The following SNX10 variants were observed in gnomAD, a reference collection of about 807,000 sequenced individuals.
SNX10 encodes sorting nexin-10.
SNX10 carries 25 observed loss-of-function variants against 28.5 expected under a neutral mutation model. The ratio of observed to expected loss-of-function variants is 0.88; its 90% CI spans 0.64 to 1.22. SNX10 has a LOEUF of 1.22. Among genes scored for constraint, SNX10 ranks in the 50% most tolerant of loss-of-function variants. SNX10 has a pLI of 0.00. For synonymous variants in SNX10, 62 were observed against 81.4 expected (o/e 0.76, Z 1.28); for missense variants, 223 against 242.6 (o/e 0.92, Z 0.54).
intron 1 of SNX10, among the ~76,000 whole-genome samples, chr7:26,315,741 G>A (rs946281290): frequency 1.4e-4 from 22 of 151,972 alleles, no homozygotes; most frequent in Middle Eastern, 3.4e-3. Flanking sequence ...ACAAAATGAA[G>A]TGAATTTATA....
chr7:26,310,087 CAG>C (rs1410341567), intron 1 of SNX10, among the ~76,000 whole-genome samples: 8 of 152,200 alleles, frequency 5.3e-5, no homozygotes, highest in Non-Finnish European at 1.5e-5. Context: ...AGATAGAAAA[CAG>C]AGGCCACTTC....
At chr7:26,321,719 T>TTAA (rs1787316734) in intron 1 of SNX10, among the ~76,000 whole-genome samples, 1 of 152,040 alleles carries the variant, frequency 6.6e-6, no homozygotes, top group Non-Finnish European at 1.5e-5. Context: ...CCCTCCTTAC[T>TTAA]TCATTATCTT....
At position 26,318,630 on chromosome 7, in the gene SNX10, C is replaced by A. The variant is rs922466077; in HGVS notation, c.-24+26544C>A. ...TTATAGGTGCCTGCCGAAAAAAATG[C>A]TTCGCTAATTTTTGTGTTTATTGTA... On this transcript the variant is annotated intron_variant, in intron 1 of 6. Coordinates refer to ENST00000338523, the MANE Select transcript of SNX10 (RefSeq NM_013322.3). 2.0e-5 allele frequency among the ~76,000 whole-genome samples: 3 copies of A among 152,080 alleles called. No individual in the cohort carries two copies. In the South Asian group the frequency reaches 6.2e-4, roughly 32 times the overall value.
Position 26,374,303 on chromosome 7 carries a change from TTTAC to T in SNX10, c.*1732_*1735del, listed in dbSNP as rs1269040184. The T allele has an allele frequency of 2.0e-5, 3 of 152,094 alleles. No homozygotes were observed. The East Asian group carries it at 5.8e-4, about 29-fold the overall frequency. The allele number at this position is 152,094 out of a possible 1,614,324, so 9.4% of individuals were successfully genotyped here. A position where few individuals can be genotyped will look rare whatever the true frequency, so the allele number is the denominator to read the frequency against. ...AGTATGTAAATGTCACGAGATCATT[TTTAC>T]ATTAAACGTGAAAAAAAATCAACTT... On this transcript the variant is annotated 3_prime_UTR_variant, in exon 7 of 7. Coordinates refer to ENST00000338523, the MANE Select transcript of SNX10 (RefSeq NM_013322.3).
chr7:26,358,016 G>T (rs1473842307), intron 2 of SNX10, among the ~76,000 whole-genome samples: 1 of 152,170 alleles, frequency 6.6e-6, no homozygotes, highest in Non-Finnish European at 1.5e-5. Flanking sequence ...AGTGTGCAAA[G>T]AACAACAGCC....
intron 1 of SNX10, among the ~76,000 whole-genome samples, chr7:26,331,339 T>A (rs1686865247): frequency 6.6e-6 from 1 of 152,144 alleles, no homozygotes; most frequent in South Asian, 2.1e-4. Context: ...TAATCCCAGC[T>A]CTTCGCAAGG....
intron 1 of SNX10, among the ~76,000 whole-genome samples, chr7:26,326,418 G>T (rs1787506185): frequency 6.6e-6 from 1 of 152,150 alleles, no homozygotes; most frequent in Non-Finnish European, 1.5e-5. Context: ...TCCGAGTCCA[G>T]TGAATCACTT....
At chr7:26,305,950 A>G (rs1171349197) in intron 1 of SNX10, among the ~76,000 whole-genome samples, 2 of 152,170 alleles carry the variant, frequency 1.3e-5, no homozygotes, top group Admixed American at 1.3e-4. Context: ...GCTGGAGTGC[A>G]GTGGCGCAAT....
chr7:26,316,489 T>A (rs1189450640), intron 1 of SNX10, among the ~76,000 whole-genome samples: 1 of 152,216 alleles, frequency 6.6e-6, no homozygotes, highest in Non-Finnish European at 1.5e-5. Flanking sequence ...TCACTGAGCT[T>A]GTGCTAGTGG....
intron 1 of SNX10, among the ~76,000 whole-genome samples, chr7:26,327,791 A>G (rs1281860061): frequency 8.3e-6 from 1 of 120,428 alleles, no homozygotes; most frequent in African/African-American, 3.3e-5. Flanking sequence ...GTACAGTGGT[A>G]TGATCTCGGC....
At chr7:26,297,298 C>T (rs1343644599) in intron 1 of SNX10, among the ~76,000 whole-genome samples, 1 of 152,152 alleles carries the variant, frequency 6.6e-6, no homozygotes, top group Non-Finnish European at 1.5e-5. Context: ...GTTTCACCGT[C>T]TTGGCCAGGC....
Position 26,364,666 on chromosome 7 carries a change from TTGTCA to T in SNX10, c.212+33_212+37del. 1 of 1,463,232 alleles carries T rather than the reference TTGTCA, an allele frequency of 6.8e-7. No homozygotes were observed. The highest frequency in any genetic ancestry group is 9.5e-7 in the Non-Finnish European group (1 of 1,051,958). The allele number at this position is 1,463,232 out of a possible 1,614,324, so 90.6% of individuals were successfully genotyped here. A position where few individuals can be genotyped will look rare whatever the true frequency, so the allele number is the denominator to read the frequency against. ...TGATTTAGAGTATACTGTGGAGACTTTGTCATTATATTCAGTATTTAAAATTGACG... is the reference window on the plus strand; with the variant it reads ...TGATTTAGAGTATACTGTGGAGACTTTTATATTCAGTATTTAAAATTGACG... On this transcript the variant is annotated intron_variant, in intron 4 of 6. Transcript: ENST00000338523. This position sits in a 1 kb window ranked among gnomAD's most constrained non-coding sequence, Gnocchi z 4.9.
intron 1 of SNX10, among the ~76,000 whole-genome samples, chr7:26,295,328 CTGGGATTACAGGTGT>C (rs1193724504): frequency 2.0e-5 from 3 of 152,172 alleles, no homozygotes; most frequent in African/African-American, 7.2e-5. Flanking sequence ...TCCCAAAGTG[CTGGGATTACAGGTGT>C]GAGCTACTGT....
chr7:26,318,354 A>G (rs1787173647), intron 1 of SNX10, among the ~76,000 whole-genome samples: 1 of 152,180 alleles, frequency 6.6e-6, no homozygotes, highest in Non-Finnish European at 1.5e-5. Context: ...GTATATGCAG[A>G]TATCCAATCC....
At chr7:26,310,904 C>T (rs1786814893) in intron 1 of SNX10, among the ~76,000 whole-genome samples, 1 of 152,016 alleles carries the variant, frequency 6.6e-6, no homozygotes, top group Non-Finnish European at 1.5e-5. Flanking sequence ...AGGATGGTCT[C>T]AATCTCCGGA....
At chr7:26,351,773 C>T (rs1788616444) in intron 2 of SNX10, among the ~76,000 whole-genome samples, 1 of 151,178 alleles carries the variant, frequency 6.6e-6, no homozygotes, top group Non-Finnish European at 1.5e-5. Flanking sequence ...TCTCCTGCCT[C>T]AGCCTCCTGA....
chr7:26,345,890 ACTGCTCAGAAG>A (rs1303868203), intron 1 of SNX10, among the ~76,000 whole-genome samples: 3 of 152,136 alleles, frequency 2.0e-5, no homozygotes, highest in Non-Finnish European at 4.4e-5. Flanking sequence ...GGCTGGCTGC[ACTGCTCAGAAG>A]GTCAGAGTCA....
chr7:26,353,234 T>C (rs1384606320), intron 2 of SNX10, among the ~76,000 whole-genome samples: 1 of 152,198 alleles, frequency 6.6e-6, no homozygotes, highest in Non-Finnish European at 1.5e-5. Flanking sequence ...GAGTGGCAAG[T>C]AATATCCCTT....
At chr7:26,346,529 T>C in intron 2 of SNX10, 63 bp downstream of exon 2, 1 of 1,285,638 alleles carries the variant, frequency 7.8e-7, no homozygotes, top group Non-Finnish European at 1.1e-6. Context: ...GGTTAGTTCT[T>C]CATTTGCGAA....
Sources: allele counts gnomAD v4.1 joint callset (sites outside exome capture counted in the v4.1 genomes callset), GRCh38; gene constraint gnomAD v4.1.1; non-coding constraint Gnocchi (gnomAD v3.1); transcripts MANE v1.5; gene names NCBI Gene and HGNC (gene_info 2026-07-23, HGNC 2026-07-21).